The following STAT5B variants were observed in gnomAD, a reference collection of about 807,000 sequenced individuals.
STAT5B encodes the protein transcription factor STAT5B.
Under a neutral mutation model 107.8 loss-of-function variants are expected in STAT5B, and 21 were observed. The observed-to-expected ratio is 0.19, with a 90% CI of 0.14 to 0.28. The LOEUF (loss-of-function observed/expected upper bound fraction) is 0.28, where lower values mean the gene tolerates loss of function less well. Among genes scored for constraint, STAT5B ranks in the 10% least tolerant of loss-of-function variants. The pLI, the probability that STAT5B is intolerant of heterozygous loss-of-function variation, is 1.00. For synonymous variants in STAT5B, 325 were observed against 401.7 expected, an observed-to-expected ratio of 0.81 and a Z score of 2.28; for missense variants, 565 against 1,008.2, an observed-to-expected ratio of 0.56 and a Z score of 5.95.
At chr17:42,202,848 GA>G in intron 16 of STAT5B, 40 bp from the exon 17 acceptor site, 1 of 1,613,256 alleles carries the variant, frequency 6.2e-7, no homozygotes, top group Non-Finnish European at 8.5e-7. Context: ...GTTCTCAAGT[GA>G]AACAAAAATG....
chr17:42,250,785 G>A (rs1008812935), intron 1 of STAT5B, among the ~76,000 whole-genome samples: 4 of 151,874 alleles, frequency 2.6e-5, no homozygotes, highest in African/African-American at 4.8e-5. Flanking sequence ...TTAGCCAGGC[G>A]TGGTGGCAGG....
In STAT5B at chr17:42,201,665, A is replaced by T; in HGVS notation, c.*73T>A. 1 of 1,004,284 alleles carries T rather than the reference A, an allele frequency of 1.0e-6. No individual in the cohort carries two copies. The highest frequency in any genetic ancestry group is 1.6e-6 in the Non-Finnish European group (1 of 623,202). The allele number at this position is 1,004,284 out of a possible 1,614,324, so 62.2% of individuals were successfully genotyped here. A position where few individuals can be genotyped will look rare whatever the true frequency, so the allele number is the denominator to read the frequency against. On this transcript the variant is annotated 3_prime_UTR_variant, in exon 19 of 19. Transcript: ENST00000293328. ...TATTGTTTCAAAAGAGAAGCGATTC[A>T]TGGAATTAAAACATCCACAAGAGTG...
chr17:42,266,975 ACCACATAATGACGTTT>A (rs1210330223), intron 1 of STAT5B, among the ~76,000 whole-genome samples: 1 of 152,238 alleles, frequency 6.6e-6, no homozygotes, highest in Non-Finnish European at 1.5e-5. Context: ...GTAGTCAGGC[ACCACATAATGACGTTT>A]CAGTCAATGA....
chr17:42,227,929 G>A (rs1005125479), intron 2 of STAT5B, among the ~76,000 whole-genome samples: 1 of 152,072 alleles, frequency 6.6e-6, no homozygotes, highest in African/African-American at 2.4e-5. Context: ...ACAATGTGCT[G>A]CCCTTCTTCC....
At chr17:42,256,679 G>A (rs1024914189) in intron 1 of STAT5B, among the ~76,000 whole-genome samples, 2 of 151,846 alleles carry the variant, frequency 1.3e-5, no homozygotes, top group Admixed American at 6.6e-5. Flanking sequence ...CTAACATGGT[G>A]AAACCCCGTC....
chr17:42,262,670 G>T (rs956923857), intron 1 of STAT5B, among the ~76,000 whole-genome samples: 1 of 150,022 alleles, frequency 6.7e-6, no homozygotes, highest in Admixed American at 6.7e-5. Flanking sequence ...ATAATACAAA[G>T]TTCAGGGTTA....
At chr17:42,287,285 G>C in the STAT5B span, among the ~76,000 whole-genome samples, 1 of 151,748 alleles carries the variant, frequency 6.6e-6, no homozygotes. Flanking sequence ...GGAGAGAAAA[G>C]GGCAGCTCTG....
At chr17:42,267,497 T>G (rs2080683670) in intron 1 of STAT5B, among the ~76,000 whole-genome samples, 1 of 151,976 alleles carries the variant, frequency 6.6e-6, no homozygotes, top group African/African-American at 2.4e-5. Flanking sequence ...AAGAAAAAGT[T>G]TTTAAAGTTT....
chr17:42,222,487 A>G (rs2144264100), intron 5 of STAT5B, among the ~76,000 whole-genome samples: 1 of 152,260 alleles, frequency 6.6e-6, no homozygotes, highest in South Asian at 2.1e-4. Flanking sequence ...ATAACTGCAT[A>G]GAACATTAGA....
In STAT5B at chr17:42,201,982, C is replaced by G. The variant is rs573196341; in HGVS notation, c.2238-118G>C. The G allele has an allele frequency of 2.4e-5, 23 of 956,658 alleles. No individual in the cohort carries two copies. The South Asian group carries it at 3.0e-4, about 13-fold the overall frequency. 59.3% of individuals were successfully genotyped at this position (956,658 alleles called of 1,614,324 possible). A position where few individuals can be genotyped will look rare whatever the true frequency, so the allele number is the denominator to read the frequency against. On this transcript the variant is annotated intron_variant, in intron 18 of 18. Transcript: ENST00000293328. ...AGCCTATGCCCTCAGCCTGGGGCTT[C>G]ATGGGAAAAGAACAACCATTCAAAC...
chr17:42,241,913 A>G (rs1195372368), intron 1 of STAT5B, among the ~76,000 whole-genome samples: 2 of 152,112 alleles, frequency 1.3e-5, no homozygotes, highest in Non-Finnish European at 2.9e-5. Context: ...ATACTACCCT[A>G]TATGCAATCA....
intron 3 of STAT5B, among the ~76,000 whole-genome samples, chr17:42,226,582 T>C (rs964072743): frequency 6.7e-6 from 1 of 149,950 alleles, no homozygotes; most frequent in African/African-American, 2.5e-5. Context: ...CCGAGGAGGG[T>C]GAATCACCTG....
At chr17:42,219,670 T>A (rs1213623386) in intron 6 of STAT5B, 42 bp downstream of exon 6, 2 of 1,579,362 alleles carry the variant, frequency 1.3e-6, no homozygotes, top group African/African-American at 2.8e-5. Context: ...GAGACTGACT[T>A]CATGGCACCC....
intron 1 of STAT5B, among the ~76,000 whole-genome samples, chr17:42,274,263 T>C (rs1013187152): frequency 6.7e-6 from 1 of 148,590 alleles, no homozygotes; most frequent in Non-Finnish European, 1.5e-5. Context: ...AACTTTTTTT[T>C]TCTGATGGTT....
chr17:42,218,224 G>A lies in STAT5B; in HGVS notation c.1096C>T (p.Pro366Ser). ...VGGKLNVHMN[P>S]PQVKATIISE... ...ATGATGGTGGCCTTCACCTGGGGGGGGTTCATGTGCACGTTCAGCTTCCCG... is the reference window on the plus strand; with the variant it reads ...ATGATGGTGGCCTTCACCTGGGGGGAGTTCATGTGCACGTTCAGCTTCCCG... Residue 366 changes from proline to serine, a missense_variant, in exon 9 of 19, where the codon CCC becomes TCC. Physicochemically the swap from Pro to Ser is moderately conservative, Grantham distance 74. Around this residue, in one of 11 missense-constraint regions of STAT5B, gnomAD observed 70 missense variants for 73.2 expected, o/e 0.96. Transcript: ENST00000293328. 1.2e-6 allele frequency: 2 copies of A among 1,614,166 alleles called. No homozygotes were observed. The highest frequency in any genetic ancestry group is 1.1e-5 in the South Asian group (1 of 91,082).
chr17:42,247,791 A>G (rs750346420), intron 1 of STAT5B, among the ~76,000 whole-genome samples: 3 of 152,108 alleles, frequency 2.0e-5, no homozygotes, highest in Non-Finnish European at 4.4e-5. Context: ...TTACAAAGAA[A>G]GCAAAACAAA....
At chr17:42,249,801 C>T (rs909361022) in intron 1 of STAT5B, among the ~76,000 whole-genome samples, 1 of 152,030 alleles carries the variant, frequency 6.6e-6, no homozygotes, top group African/African-American at 2.4e-5. Context: ...GCTGGGACCA[C>T]AGGTGTGTGC....
intron 1 of STAT5B, among the ~76,000 whole-genome samples, chr17:42,258,054 T>C (rs1446982920): frequency 3.9e-5 from 6 of 152,240 alleles, no homozygotes; most frequent in African/African-American, 1.4e-4. Context: ...TTTAGGGACA[T>C]ATTTTAAATA....
At chr17:42,222,124 G>GGTGTGTGTGCTGTGT (rs1031888332) in intron 5 of STAT5B, among the ~76,000 whole-genome samples, 15 of 141,770 alleles carry the variant, frequency 1.1e-4, no homozygotes, top group African/African-American at 3.9e-4. Flanking sequence ...TGCTGTGGGG[G>GGTGTGTGTGCTGTGT]GTGTGTGTGC....
Sources: allele counts gnomAD v4.1 joint callset (sites outside exome capture counted in the v4.1 genomes callset), GRCh38; gene constraint gnomAD v4.1.1; regional missense constraint gnomAD v4.1.1; transcripts MANE v1.5; gene names NCBI Gene and HGNC (gene_info 2026-07-23, HGNC 2026-07-21).